SIK3: variants seen among roughly 807,000 people sequenced by gnomAD.
SIK3 encodes serine/threonine-protein kinase SIK3.
Under a neutral mutation model 144.2 loss-of-function variants are expected in SIK3, and 28 were observed. That is an observed-to-expected ratio of 0.19 (90% CI 0.14 to 0.27). The LOEUF is 0.27. Ranked by LOEUF, SIK3 falls within the 10% of genes least tolerant of loss-of-function variation. The pLI, the probability that SIK3 is intolerant of heterozygous loss-of-function variation, is 1.00. For synonymous variants in SIK3, 686 were observed against 676.3 expected, an observed-to-expected ratio of 1.01 and a Z score of -0.22; for missense variants, 1,319 against 1,776.0, an observed-to-expected ratio of 0.74 and a Z score of 4.62.
rs1228491865 is a variant in SIK3 at position 116,873,583 on chromosome 11, G to A, written c.1635C>T (p.Pro545=). The A allele has an allele frequency of 6.2e-7, 1 of 1,606,380 alleles. No individual in the cohort carries two copies. The highest frequency in any genetic ancestry group is 8.5e-7 in the Non-Finnish European group (1 of 1,176,684). ...PTLQLLNGMG[P]LGRRASDGGA... ...CTCCATCTGATGCCCTCCGGCCAAG[G>A]GGGCCCATTCCATTCAACAGCTGTA... Residue 545 remains proline, a synonymous_variant, in exon 13 of 25, where the codon CCC becomes CCT. Coordinates refer to ENST00000445177, the MANE Select transcript of SIK3 (RefSeq NM_001366686.3).
intron 1 of SIK3, among the ~76,000 whole-genome samples, chr11:117,050,281 C>T (rs1953175341): frequency 6.6e-6 from 1 of 150,888 alleles, no homozygotes; most frequent in Non-Finnish European, 1.5e-5. Flanking sequence ...AAGATCAAGA[C>T]TCCATCACAC....
intron 4 of SIK3, among the ~76,000 whole-genome samples, chr11:116,917,775 CGAAA>C (rs1844298302): frequency 8.2e-6 from 1 of 121,268 alleles, no homozygotes; most frequent in Admixed American, 9.5e-5. Context: ...AGAGAAAGAA[CGAAA>C]GAAAGAAAAG....
intron 3 of SIK3, among the ~76,000 whole-genome samples, chr11:116,942,911 T>C (rs1174701834): frequency 3.3e-5 from 5 of 152,096 alleles, no homozygotes; most frequent in Non-Finnish European, 4.4e-5. Flanking sequence ...TTTAAAAGAA[T>C]CCTTCTAGCT....
At chr11:116,948,675 C>G (rs1466677894) in intron 3 of SIK3, among the ~76,000 whole-genome samples, 1 of 152,156 alleles carries the variant, frequency 6.6e-6, no homozygotes, top group Non-Finnish European at 1.5e-5. Flanking sequence ...TCTCGTCAAT[C>G]TAGCTAAAGA....
intron 1 of SIK3, 112 bp downstream of exon 1, chr11:117,098,031 C>G: frequency 6.9e-6 from 8 of 1,158,034 alleles, no homozygotes; most frequent in Non-Finnish European, 8.5e-6. Flanking sequence ...CCTCCCGGCC[C>G]CCAACGCTCC....
intron 1 of SIK3, among the ~76,000 whole-genome samples, chr11:117,069,959 T>C (rs1175631993): frequency 1.3e-5 from 2 of 152,256 alleles, no homozygotes; most frequent in Non-Finnish European, 2.9e-5. Context: ...AGTTATTACA[T>C]TCTCCGCTTC....
rs57524562 is a variant in SIK3, at chr11:117,031,687, ATTTTTTTT to A, written c.273+66448_273+66455del. On this transcript the variant is annotated intron_variant, in intron 1 of 24. Transcript: ENST00000445177. Reference sequence around the variant, plus strand: ...TGGCATGTACCACCACACCCGGCTAATTTTTTTTTTTTTTTTTTTTTTTTTTTGTATAT... The same window carrying A: ...TGGCATGTACCACCACACCCGGCTAATTTTTTTTTTTTTTTTTTTGTATAT... 3.3e-3 allele frequency among the ~76,000 whole-genome samples: 271 copies of A among 81,522 alleles called. 3 individuals are homozygous for A. Among genetic ancestry groups the A allele is most frequent in the South Asian group, 4.7e-3 (9 of 1,896 alleles). 53.5% of individuals were successfully genotyped at this position (81,522 alleles called of 152,430 possible).
chr11:116,976,294 G>A (rs1371401892), intron 1 of SIK3, among the ~76,000 whole-genome samples: 1 of 152,132 alleles, frequency 6.6e-6, no homozygotes, highest in African/African-American at 2.4e-5. Context: ...TCCAAATCAG[G>A]AAGGTTTGCT....
intron 4 of SIK3, among the ~76,000 whole-genome samples, chr11:116,899,096 T>C (rs934062156): frequency 9.9e-5 from 15 of 152,230 alleles, no homozygotes; most frequent in African/African-American, 3.6e-4. Flanking sequence ...AGGGTTTTTA[T>C]GGTTTTAGGT....
chr11:116,884,325 T>C (rs1269329), intron 6 of SIK3, among the ~76,000 whole-genome samples: 68,019 of 149,606 alleles, frequency 0.45, 18,654 homozygotes, highest in Non-Finnish European at 0.63. Flanking sequence ...TAGCTGAGAC[T>C]ACAGGCACAC....
chr11:116,883,678 A>C (rs1038871272), intron 6 of SIK3, among the ~76,000 whole-genome samples: 1 of 152,236 alleles, frequency 6.6e-6, no homozygotes. Context: ...TCACGCCTAT[A>C]ATCCCAGCAC....
intron 1 of SIK3, among the ~76,000 whole-genome samples, chr11:116,972,794 TCACA>T (rs1949808707): frequency 6.6e-6 from 1 of 150,550 alleles, no homozygotes; most frequent in Non-Finnish European, 1.5e-5. Context: ...TGGTTCTCTC[TCACA>T]CACACATACA....
At chr11:116,859,147 CAA>C in intron 20 of SIK3, 116 bp downstream of exon 20, 2 of 945,116 alleles carry the variant, frequency 2.1e-6, no homozygotes, top group Non-Finnish European at 3.1e-6. Flanking sequence ...AAGCGTGAAA[CAA>C]GAGCACAGCC....
intron 1 of SIK3, among the ~76,000 whole-genome samples, chr11:116,971,008 T>G (rs1027200432): frequency 2.0e-5 from 3 of 152,190 alleles, no homozygotes; most frequent in African/African-American, 7.2e-5. Context: ...AGCAGAAAAC[T>G]GCATTTACCA....
chr11:117,072,043 G>T (rs1026864962), intron 1 of SIK3, among the ~76,000 whole-genome samples: 1 of 151,660 alleles, frequency 6.6e-6, no homozygotes, highest in Non-Finnish European at 1.5e-5. Flanking sequence ...ATCACTGATG[G>T]TTTTAAAGTT....
intron 1 of SIK3, among the ~76,000 whole-genome samples, chr11:117,042,571 C>T (rs1952792156): frequency 6.6e-6 from 1 of 152,138 alleles, no homozygotes; most frequent in Non-Finnish European, 1.5e-5. Context: ...AACCTTGAGA[C>T]ATTTTATTTT....
intron 1 of SIK3, 133 bp downstream of exon 1, chr11:117,098,010 G>T: frequency 8.9e-7 from 1 of 1,129,688 alleles, no homozygotes; most frequent in Non-Finnish European, 1.1e-6. Context: ...GCCGCGGCTG[G>T]CTCCCTCCCG....
chr11:116,981,778 C>T (rs149816980), intron 1 of SIK3, among the ~76,000 whole-genome samples: 2 of 152,152 alleles, frequency 1.3e-5, no homozygotes, highest in African/African-American at 2.4e-5. Flanking sequence ...TTTGGGAGGC[C>T]GGGGCAGGAG....
chr11:117,069,191 G>C (rs1296929248), intron 1 of SIK3, among the ~76,000 whole-genome samples: 1 of 145,078 alleles, frequency 6.9e-6, no homozygotes, highest in Non-Finnish European at 1.5e-5. Context: ...TTTTGGGGGG[G>C]GGGGGGTTTG....
Sources: allele counts gnomAD v4.1 joint callset (sites outside exome capture counted in the v4.1 genomes callset), GRCh38; gene constraint gnomAD v4.1.1; transcripts MANE v1.5; gene names NCBI Gene and HGNC (gene_info 2026-07-23, HGNC 2026-07-21).